The following METTL17 variants were observed in gnomAD, a reference collection of about 807,000 sequenced individuals.
The protein encoded by METTL17 is methyltransferase like 17, also known as ribosome assembly protein METTL17, mitochondrial.
In METTL17, 49 loss-of-function variants were observed where a neutral mutation model predicts 59.4. That is an observed-to-expected ratio of 0.82 (90% confidence interval 0.66 to 1.05). The LOEUF (loss-of-function observed/expected upper bound fraction) is 1.05, where lower values mean the gene tolerates loss of function less well. Ranked by LOEUF, METTL17 falls within the 50% of genes least tolerant of loss-of-function variation. METTL17 has a pLI of 0.00. For missense variants in METTL17, 555 were observed against 578.4 expected, an observed-to-expected ratio of 0.96 and a Z score of 0.41; for synonymous variants, 208 against 209.2, an observed-to-expected ratio of 0.99 and a Z score of 0.05.
chr14:20,990,239 G>C lies in METTL17; in HGVS notation c.85G>C (p.Ala29Pro), dbSNP rs1198122942. 2.5e-6 allele frequency: 4 copies of C among 1,614,194 alleles called. No homozygotes were observed. In the East Asian group the frequency reaches 6.7e-5, roughly 27 times the overall value. ...CTTTCTCTGCCTGCAGGCGCTCGCCGCCTTAGTACCCGGAGTGACCCAGGT... is the reference window on the plus strand; with the variant it reads ...CTTTCTCTGCCTGCAGGCGCTCGCCCCCTTAGTACCCGGAGTGACCCAGGT... ...GVAPQARALA[A>P]LVPGVTQVDN... The change falls in exon 2 of 14, where the codon GCC becomes CCC. Residue 29 changes from alanine (A) to proline (P), a missense_variant. Physicochemically the swap from Ala to Pro is conservative, Grantham distance 27 (BLOSUM62 -1). Transcript: ENST00000339374.
At chr14:20,992,931 C>G (rs2771347) in intron 5 of METTL17, 187 bp from the exon 6 acceptor site, 171,617 of 619,530 alleles carry the variant, frequency 0.28, 24,747 homozygotes, top group South Asian at 0.33. Context: ...CCTGTGAAAG[C>G]TTTCTGTGAC....
chr14:20,991,705 A>G (rs1441670641), intron 3 of METTL17: 7 of 193,308 alleles, frequency 3.6e-5, no homozygotes, highest in Non-Finnish European at 7.3e-5. Flanking sequence ...TAATTTTTGT[A>G]TTTTTCGTAG....
In METTL17 at chr14:20,994,015, G is replaced by C; in HGVS notation, c.649G>C (p.Val217Leu). 1 of 1,613,942 alleles carries C rather than the reference G, an allele frequency of 6.2e-7. No homozygotes were observed. ...CCAGAGCCTACGTGAATATATGTGT[G>C]TGGACAGATCAGCTGCCATGTTGGT... ...WGQSLREYMC[V>L]DRSAAMLVLA... The change falls in exon 7 of 14, where the codon GTG becomes CTG. Residue 217 changes from valine (V) to leucine (L), a missense_variant. Physicochemically the swap from Val to Leu is conservative, Grantham distance 32 (BLOSUM62 1). Transcript: ENST00000339374.
chr14:20,994,207 G>A (rs1880221556), intron 7 of METTL17, 144 bp downstream of exon 7: 4 of 641,204 alleles, frequency 6.2e-6, no homozygotes, highest in Non-Finnish European at 1.1e-5. Flanking sequence ...GCAAAGGGTG[G>A]TATTAGAGGT....
At chr14:20,995,310 G>A (rs1880307321) in intron 10 of METTL17, 77 bp downstream of exon 10, 8 of 1,314,152 alleles carry the variant, frequency 6.1e-6, no homozygotes, top group Non-Finnish European at 8.8e-6. Context: ...GAAAGAGACT[G>A]TCATGTATTG....
rs887006261 is a variant in METTL17, at chr14:20,996,986, T to C, written c.*96T>C. 1.6e-6 allele frequency: 2 copies of C among 1,233,598 alleles called. No individual in the cohort carries two copies. Among genetic ancestry groups the C allele is most frequent in the African/African-American group, 3.0e-5 (2 of 66,088 alleles). 76.4% of individuals were successfully genotyped at this position (1,233,598 alleles called of 1,614,324 possible). The stretch of plus-strand genomic sequence containing the variant: ...GAATGCTGGTATCCCCATATGTCTG[T>C]GTTTGTTTGAGATTTTTAATAATAA... On this transcript the variant is annotated 3_prime_UTR_variant, in exon 14 of 14. Coordinates refer to ENST00000339374, the MANE Select transcript of METTL17 (RefSeq NM_022734.3).
chr14:20,993,119 T>A lies in METTL17; in HGVS notation c.530T>A (p.Ile177Asn), dbSNP rs1344006965. ...FAAVSRAFHE[I>N]RARNPAFQPQ... ...GTGGGATGTTGTATATTTCTTCAGA[T>A]CCGGGCTCGAAATCCAGCATTTCAG... Residue 177 changes from isoleucine to asparagine, a missense_variant and splice_region_variant, in exon 6 of 14, where the codon ATC becomes AAC. Coordinates refer to ENST00000339374, the MANE Select transcript of METTL17 (RefSeq NM_022734.3). The A allele has an allele frequency of 1.9e-6, 3 of 1,614,096 alleles. No individual in the cohort carries two copies. Among genetic ancestry groups the A allele is most frequent in the Non-Finnish European group, 2.5e-6 (3 of 1,179,956 alleles).
rs1880262061 is a variant in METTL17 at position 20,994,801 on chromosome 14, T to C, written c.776T>C (p.Phe259Ser). ...CCTTGTCTTGGTCCTCAGGTGCAGT[T>C]TGATGTAGTAGTGTCAGCTTTTTCC... ...QFLPVSPKVQFDVVVSAFSLS... is the reference protein window; with the variant it reads ...QFLPVSPKVQSDVVVSAFSLS... The change falls in exon 9 of 14, where the codon TTT becomes TCT. Residue 259 changes from phenylalanine (F) to serine (S), a missense_variant. By Grantham distance (155) the Phe-to-Ser change is radical. Transcript: ENST00000339374. 6.2e-7 allele frequency: 1 copy of C among 1,613,768 alleles called. No homozygotes were observed. The highest frequency in any genetic ancestry group is 8.5e-7 in the Non-Finnish European group (1 of 1,179,678).
chr14:20,990,203 A>T (rs946890034), intron 1 of METTL17, 27 bp from the exon 2 acceptor site: 2 of 1,613,938 alleles, frequency 1.2e-6, no homozygotes, highest in African/African-American at 2.7e-5. Flanking sequence ...TCTGCCAGGA[A>T]ATCAACCTAC....
Position 20,992,179 on chromosome 14 carries a change from A to G in METTL17, c.420A>G (p.Lys140=). ...GAGCAGTGCTACACGCACTACGTAA[A>G]ACTACCTACCATTGGCAAGAACTGA... ...LRGAVLHALR[K]TTYHWQELSY... The change falls in exon 4 of 14, where the codon AAA becomes AAG. Residue 140 remains lysine, a synonymous_variant. Coordinates refer to ENST00000339374, the MANE Select transcript of METTL17 (RefSeq NM_022734.3). 6.2e-7 allele frequency: 1 copy of G among 1,610,136 alleles called. No individual in the cohort carries two copies. Among genetic ancestry groups the G allele is most frequent in the Non-Finnish European group, 8.5e-7 (1 of 1,178,816 alleles).
intron 6 of METTL17, 95 bp downstream of exon 6, chr14:20,993,286 G>C: frequency 9.8e-7 from 1 of 1,020,182 alleles, no homozygotes; most frequent in Non-Finnish European, 1.5e-6. Flanking sequence ...AAACCAGAGG[G>C]AGAATAGGCA....
Position 20,995,965 on chromosome 14 carries a change from C to T in METTL17, c.996+14C>T. 6.2e-7 allele frequency: 1 copy of T among 1,613,852 alleles called. No homozygotes were observed. The highest frequency in any genetic ancestry group is 1.1e-5 in the South Asian group (1 of 91,074). On this transcript the variant is annotated intron_variant, in intron 11 of 13. Transcript: ENST00000339374. ...GTCTTTGCCCCGGTGAGTATTACTT[C>T]TGCCTGTCCCACCACACGGATCTGA...
rs1454071159 is a variant in METTL17 at position 20,995,162 on chromosome 14, C to A, written c.877-3C>A. 6.2e-7 allele frequency: 1 copy of A among 1,613,558 alleles called. No individual in the cohort carries two copies. Among genetic ancestry groups the A allele is most frequent in the African/African-American group, 1.3e-5 (1 of 74,906 alleles). On this transcript the variant is annotated splice_polypyrimidine_tract_variant and splice_region_variant and intron_variant, in intron 9 of 13. Coordinates refer to ENST00000339374, the MANE Select transcript of METTL17 (RefSeq NM_022734.3). ...TCTGCATATTTTCCCCTTTTGTGAA[C>A]AGGTACTGGTGGAGAATGGAACAAA...
intron 5 of METTL17, 42 bp from the exon 6 acceptor site, chr14:20,993,076 G>C: frequency 6.5e-7 from 1 of 1,549,928 alleles, no homozygotes. Flanking sequence ...TCCTAAATAA[G>C]TATCTAATTA....
At chr14:20,991,594 G>A (rs770090761) in intron 3 of METTL17, among the ~76,000 whole-genome samples, 5 of 152,022 alleles carry the variant, frequency 3.3e-5, no homozygotes, top group South Asian at 2.1e-4. Context: ...GCAGTGGTGC[G>A]ATCTCAGCTC....
In METTL17 at chr14:20,996,866, G is replaced by A. The variant is rs367596658; in HGVS notation, c.1347G>A (p.Thr449=). 204 of 1,611,672 alleles carry A rather than the reference G, an allele frequency of 1.3e-4. No homozygotes were observed. The highest frequency in any genetic ancestry group is 2.2e-4 in the Admixed American group (13 of 59,994). The stretch of plus-strand genomic sequence containing the variant: ...CTCCGTCTGCGTTTCCTCCATCTAC[G>A]GCTCAGGATCCCTCTGAGAGTTGAT... ...VLTPSAFPPS[T]AQDPSES Residue 449 remains threonine (T), a synonymous_variant, in exon 14 of 14, where the codon ACG becomes ACA. Coordinates refer to ENST00000339374, the MANE Select transcript of METTL17 (RefSeq NM_022734.3).
In METTL17 at chr14:20,990,338, CGGCTGCCACAGGCACT is replaced by C; in HGVS notation, c.189_204del (p.Pro64ThrfsTer22). The stretch of plus-strand genomic sequence containing the variant: ...TGGCATCCTAAAGCTGCCGCACGTG[CGGCTGCCACAGGCACT>C]GGCTAACGGTGCCCAGTTATTGCTA... On this transcript the variant is annotated frameshift_variant, in exon 2 of 14. Coordinates refer to ENST00000339374, the MANE Select transcript of METTL17 (RefSeq NM_022734.3). LOFTEE classifies it high-confidence loss of function. 1 of 1,614,214 alleles carries C rather than the reference CGGCTGCCACAGGCACT, an allele frequency of 6.2e-7. No homozygotes were observed. The highest frequency in any genetic ancestry group is 8.5e-7 in the Non-Finnish European group (1 of 1,180,034).
intron 13 of METTL17, 35 bp downstream of exon 13, chr14:20,996,746 G>C (rs1218223513): frequency 1.2e-6 from 2 of 1,614,086 alleles, no homozygotes; most frequent in Non-Finnish European, 1.7e-6. Flanking sequence ...GTGGGATGTG[G>C]CAGGAAGCTG....
chr14:20,990,279 G>C lies in METTL17; in HGVS notation c.125G>C (p.Gly42Ala), dbSNP rs371540270. 139 of 1,614,128 alleles carry C rather than the reference G, an allele frequency of 8.6e-5. No individual in the cohort carries two copies. The highest frequency in any genetic ancestry group is 1.1e-4 in the Non-Finnish European group (131 of 1,180,048). Reference protein sequence around the residue: ...PGVTQVDNKSGFLQKRPHRQH... With the variant: ...PGVTQVDNKSAFLQKRPHRQH... ...GTGACCCAGGTAGATAACAAGTCCG[G>C]TTTCCTGCAGAAGAGGCCTCATCGC... is the stretch of plus-strand genomic sequence containing the variant. Residue 42 changes from glycine to alanine, a missense_variant, in exon 2 of 14, where the codon GGT (glycine) becomes GCT (alanine). Coordinates refer to ENST00000339374, the MANE Select transcript of METTL17 (RefSeq NM_022734.3).
Sources: allele counts gnomAD v4.1 joint callset (sites outside exome capture counted in the v4.1 genomes callset), GRCh38; gene constraint gnomAD v4.1.1; transcripts MANE v1.5; gene names NCBI Gene and HGNC (gene_info 2026-07-23, HGNC 2026-07-21).